The following NBPF12 variants were observed in gnomAD, a reference collection of about 807,000 sequenced individuals.
The protein encoded by NBPF12 is NBPF family member NBPF12.
Under a neutral mutation model 146.4 loss-of-function variants are expected in NBPF12, and 115 were observed. The observed-to-expected ratio is 0.79, with a 90% CI of 0.68 to 0.92. The LOEUF (loss-of-function observed/expected upper bound fraction) is 0.92, where lower values mean the gene tolerates loss of function less well. Ranked by LOEUF, NBPF12 falls within the 40% of genes least tolerant of loss-of-function variation. NBPF12 has a pLI of 0.00. For synonymous variants in NBPF12, 385 were observed against 508.9 expected, an observed-to-expected ratio of 0.76 and a Z score of 3.28; for missense variants, 1,205 against 1,326.8, an observed-to-expected ratio of 0.91 and a Z score of 1.43.
upstream of NBPF12, among the ~76,000 whole-genome samples, chr1:146,945,013 TCC>T (rs1654975999): frequency 2.6e-5 from 1 of 38,626 alleles, no homozygotes; most frequent in Non-Finnish European, 5.2e-5. Flanking sequence ...CCTTCCTTCC[TCC>T]CTCCCTCCCT....
chr1:146,980,380 C>G (rs1657295998), intron 19 of NBPF12, among the ~76,000 whole-genome samples: 4 of 151,816 alleles, frequency 2.6e-5, no homozygotes, highest in Non-Finnish European at 1.5e-5. Flanking sequence ...GTTATTTCAC[C>G]CGTTAGTTGA....
In NBPF12 at chr1:146,981,767, C is replaced by G. The variant is rs1389366171; in HGVS notation, c.2451-1161C>G. On this transcript the variant is annotated intron_variant, in intron 19 of 33. Transcript: ENST00000617844. The stretch of plus-strand genomic sequence containing the variant: ...TGTTCATTTCTTTTTACTCTTTTTT[C>G]TCTAAACTTCTCTTCTCGCTTCATT... Among the ~76,000 whole-genome samples the G allele has an allele frequency of 6.7e-4, 102 of 151,550 alleles. 1 individual carries two copies. Among genetic ancestry groups the G allele is most frequent in the Admixed American group, 5.2e-3 (80 of 15,240 alleles).
intron 2 of NBPF12, among the ~76,000 whole-genome samples, chr1:146,957,976 T>C (rs1655676204): frequency 1.9e-5 from 2 of 107,092 alleles, no homozygotes; most frequent in Non-Finnish European, 3.8e-5. Flanking sequence ...TATACATGTA[T>C]ATATGTGTGT....
At chr1:146,994,353 A>G in exon 34 of NBPF12, 4 of 1,604,528 alleles carry the variant, frequency 2.5e-6, no homozygotes, top group East Asian at 2.2e-5. Context: ...TGCTGATGGA[A>G]GTGGAAGAGC....
intron 1 of NBPF12, among the ~76,000 whole-genome samples, chr1:146,949,941 T>C (rs1655254378): frequency 1.3e-5 from 2 of 150,868 alleles, no homozygotes; most frequent in South Asian, 4.2e-4. Context: ...AGCTCTGTCA[T>C]GTGTGGAGTG....
At chr1:146,989,123 C>T (rs1345864437) in intron 27 of NBPF12, among the ~76,000 whole-genome samples, 174 bp downstream of exon 30, 14 of 89,864 alleles carry the variant, frequency 1.6e-4, no homozygotes, top group East Asian at 7.5e-4. Context: ...TCTTCCTCCC[C>T]TTATCATTTA....
In NBPF12 at chr1:146,962,268, G is replaced by C; in HGVS notation, c.278+5G>C. Reference sequence around the variant, plus strand: ...GAAACAAGCTGAGGAGCTCAGGTGAGGGGACCCCATGGGGGGAGGCAGGCG... The same window carrying C: ...GAAACAAGCTGAGGAGCTCAGGTGACGGGACCCCATGGGGGGAGGCAGGCG... On this transcript the variant is annotated splice_donor_5th_base_variant and intron_variant, in intron 5 of 33. Coordinates refer to ENST00000617844, the Ensembl canonical transcript of NBPF12. The C allele has an allele frequency of 3.7e-6, 6 of 1,602,836 alleles. No individual in the cohort carries two copies. The Admixed American group carries it at 5.0e-5, about 13-fold the overall frequency.
chr1:146,962,019 A>G (rs1655882436), intron 4 of NBPF12, 142 bp from the exon 8 acceptor site: 1 of 703,054 alleles, frequency 1.4e-6, no homozygotes, highest in Non-Finnish European at 2.4e-6. Flanking sequence ...ACTGAAGAGT[A>G]AAGATGTGGA....
intron 14 of NBPF12, among the ~76,000 whole-genome samples, chr1:146,974,177 G>A (rs1255418047): frequency 6.7e-6 from 1 of 148,876 alleles, no homozygotes; most frequent in Non-Finnish European, 1.5e-5. Context: ...ATTAGCATTT[G>A]GGCATAGGAT....
At chr1:146,984,479 T>C (rs1657598373) in intron 21 of NBPF12, among the ~76,000 whole-genome samples, 1 of 150,596 alleles carries the variant, frequency 6.6e-6, no homozygotes, top group Admixed American at 6.6e-5. Context: ...GCCATGCTTT[T>C]CATGATCACT....
At chr1:146,963,941 T>C (rs1180957341) in intron 6 of NBPF12, among the ~76,000 whole-genome samples, 2 of 135,856 alleles carry the variant, frequency 1.5e-5, no homozygotes, top group African/African-American at 5.8e-5. Context: ...GCCTGTGCAG[T>C]CTCATGACGA....
Position 146,969,044 on chromosome 1 carries a change from C to T in NBPF12, c.1092-338C>T, listed in dbSNP as rs1392192573. On this transcript the variant is annotated intron_variant, in intron 10 of 33. Transcript: ENST00000617844. ...CTTTGTGTCTAGTGGCCGCAAGATG[C>T]ACTATGTGTATTTTCACATGGAAAT... 2.6e-5 allele frequency among the ~76,000 whole-genome samples: 4 copies of T among 151,594 alleles called. No individual in the cohort carries two copies. In the East Asian group the frequency reaches 5.8e-4, roughly 22 times the overall value.
intron 14 of NBPF12, 37 bp downstream of exon 17, chr1:146,972,997 A>G (rs1184147106): frequency 2.3e-6 from 2 of 880,086 alleles, no homozygotes; most frequent in South Asian, 1.3e-5. Context: ...AAAGTGATGA[A>G]CGAAGTCCTG....
intron 15 of NBPF12, 28 bp downstream of exon 18, chr1:146,974,869 G>C: frequency 1.6e-6 from 2 of 1,254,464 alleles, no homozygotes; most frequent in Non-Finnish European, 2.2e-6. Context: ...GGGCAGACAG[G>C]GGGGCAGGTG....
intron 2 of NBPF12, among the ~76,000 whole-genome samples, chr1:146,955,892 A>G (rs1655564125): frequency 1.3e-5 from 2 of 150,100 alleles, no homozygotes; most frequent in African/African-American, 4.9e-5. Flanking sequence ...TGCCTTCGTT[A>G]TTTCGTCATG....
intron 2 of NBPF12, among the ~76,000 whole-genome samples, chr1:146,955,104 AAAG>A (rs1380973269): frequency 2.0e-3 from 201 of 102,696 alleles, no homozygotes; most frequent in African/African-American, 6.9e-3. Flanking sequence ...ATACTTCAGA[AAAG>A]AAGATACATG....
intron 18 of NBPF12, among the ~76,000 whole-genome samples, chr1:146,978,224 C>G (rs1657170398): frequency 6.8e-6 from 1 of 147,042 alleles, no homozygotes. Context: ...CCTGTCAATG[C>G]AATGGCTGAT....
Position 146,956,119 on chromosome 1 carries a change from G to A in NBPF12, c.-183-3740G>A, listed in dbSNP as rs1481049553. On this transcript the variant is annotated intron_variant, in intron 2 of 33. Transcript: ENST00000617844. ...ATAGTTTCTTCATAATAGCCCAAAC[G>A]CGGAATGATAGAAATGTCCAATAAT... is the stretch of plus-strand genomic sequence containing the variant. 6.0e-3 allele frequency among the ~76,000 whole-genome samples: 905 copies of A among 151,810 alleles called. 14 individuals are homozygous for A. Among genetic ancestry groups the A allele is most frequent in the African/African-American group, 0.02 (831 of 41,284 alleles).
intron 1 of NBPF12, among the ~76,000 whole-genome samples, chr1:146,949,854 T>G (rs1235778572): frequency 6.6e-6 from 1 of 151,924 alleles, no homozygotes; most frequent in Non-Finnish European, 1.5e-5. Context: ...GTTTCATCTT[T>G]CAACCAATAA....
Sources: allele counts gnomAD v4.1 joint callset (sites outside exome capture counted in the v4.1 genomes callset), GRCh38; gene constraint gnomAD v4.1.1; transcripts MANE v1.5; gene names NCBI Gene and HGNC (gene_info 2026-07-23, HGNC 2026-07-21).